The following FNDC1 variants were observed in gnomAD, a reference collection of about 807,000 sequenced individuals.
FNDC1 encodes the protein fibronectin type III domain containing 1.
In FNDC1, 96 loss-of-function variants were observed where a neutral mutation model predicts 168.0. The ratio of observed to expected loss-of-function variants is 0.57; its 90% CI spans 0.48 to 0.68. The LOEUF is 0.68. Among genes scored for constraint, FNDC1 ranks in the 30% least tolerant of loss-of-function variants. The pLI is 0.00. For missense variants in FNDC1, 2,587 were observed against 2,482.1 expected, an observed-to-expected ratio of 1.04 and a Z score of -0.90; for synonymous variants, 1,099 against 1,025.9, an observed-to-expected ratio of 1.07 and a Z score of -1.36.
intron 4 of FNDC1, among the ~76,000 whole-genome samples, chr6:159,214,200 C>T (rs181208969): frequency 1.3e-5 from 2 of 152,298 alleles, no homozygotes; most frequent in Admixed American, 1.3e-4. Flanking sequence ...ATCCATAACC[C>T]TTGTTTCCAA....
intron 1 of FNDC1, among the ~76,000 whole-genome samples, chr6:159,178,829 G>A (rs917719263): frequency 6.6e-6 from 1 of 151,414 alleles, no homozygotes; most frequent in Admixed American, 6.6e-5. Flanking sequence ...GGTCCAAGCC[G>A]TATTACCTGG....
chr6:159,190,644 C>A (rs941281259), intron 1 of FNDC1, among the ~76,000 whole-genome samples: 3 of 152,218 alleles, frequency 2.0e-5, no homozygotes, highest in African/African-American at 7.2e-5. Context: ...AGCCCACATT[C>A]TCCAGTTCAG....
intron 4 of FNDC1, among the ~76,000 whole-genome samples, chr6:159,213,629 C>T (rs983357565): frequency 2.0e-5 from 3 of 151,956 alleles, no homozygotes; most frequent in South Asian, 2.1e-4. Context: ...TTCCAGCTGA[C>T]TCACATAAGA....
chr6:159,247,082 C>T (rs535626797), intron 15 of FNDC1, 113 bp downstream of exon 15: 73 of 824,952 alleles, frequency 8.8e-5, no homozygotes, highest in African/African-American at 5.8e-4. Flanking sequence ...AGCTTTGGGC[C>T]GGTGGCAATG....
chr6:159,256,759 T>C (rs1315284258), intron 18 of FNDC1, 128 bp downstream of exon 18: 4 of 713,306 alleles, frequency 5.6e-6, no homozygotes, highest in Admixed American at 2.4e-5. Context: ...TTGGTTCTAA[T>C]AGAATGTCAA....
intron 22 of FNDC1, among the ~76,000 whole-genome samples, chr6:159,270,966 C>T (rs1777733260): frequency 6.6e-6 from 1 of 152,214 alleles, no homozygotes; most frequent in Non-Finnish European, 1.5e-5. Context: ...ACGATCTCTA[C>T]AGATCTGTTT....
At chr6:159,218,297 C>T (rs1325861757) in intron 5 of FNDC1, 1 of 152,150 alleles carries the variant, frequency 6.6e-6, no homozygotes, top group Non-Finnish European at 1.5e-5. Context: ...GGGGTGGGCT[C>T]CGGTCCCCAC....
At chr6:159,268,059 A>AAAAT (rs1450834643) in intron 22 of FNDC1, 133 bp downstream of exon 22, 2 of 896,164 alleles carry the variant, frequency 2.2e-6, no homozygotes, top group Admixed American at 2.8e-5. Flanking sequence ...TAAGGTCATA[A>AAAAT]AAATAAATAA....
chr6:159,180,426 G>A (rs542301376), intron 1 of FNDC1, among the ~76,000 whole-genome samples: 2 of 152,180 alleles, frequency 1.3e-5, no homozygotes, highest in African/African-American at 4.8e-5. Flanking sequence ...AACTCATAAC[G>A]TGTGGTGTGC....
chr6:159,200,117 G>T (rs1782344064), intron 3 of FNDC1, 35 bp downstream of exon 3: 2 of 1,459,352 alleles, frequency 1.4e-6, no homozygotes, highest in Non-Finnish European at 1.9e-6. Context: ...CTGTAGTGTT[G>T]TTACTTAGAT....
Position 159,214,902 on chromosome 6 carries a change from G to A in FNDC1, c.461-43G>A, listed in dbSNP as rs748960381. ...TCATGTGCATGATGGCAAACTCTAA[G>A]TGGTCTACTGTCTAACCACTTTTGT... On this transcript the variant is annotated intron_variant, in intron 4 of 22. Transcript: ENST00000297267. 4 of 1,584,964 alleles carry A rather than the reference G, an allele frequency of 2.5e-6. No homozygotes were observed. The South Asian group carries it at 3.3e-5, about 13-fold the overall frequency.
chr6:159,181,994 C>T (rs1049849512), intron 1 of FNDC1, among the ~76,000 whole-genome samples: 4 of 152,346 alleles, frequency 2.6e-5, no homozygotes, highest in South Asian at 4.1e-4. Context: ...CCTTCTACTG[C>T]TCTCTGATAG....
chr6:159,225,640 G>A lies in FNDC1; in HGVS notation c.990G>A (p.Val330=). 1 of 1,613,996 alleles carries A rather than the reference G, an allele frequency of 6.2e-7. No homozygotes were observed. The highest frequency in any genetic ancestry group is 1.7e-5 in the Admixed American group (1 of 60,026). ...TTGAGAACCTGATTCCAGACACTGT[G>A]TATGAATTTGCAGTCCGTATTTCAC... The part of the protein sequence containing the change: ...VLIENLIPDT[V]YEFAVRISQG... Residue 330 remains valine, a synonymous_variant, in exon 8 of 23, where the codon GTG becomes GTA. Coordinates refer to ENST00000297267, the MANE Select transcript of FNDC1 (RefSeq NM_032532.3).
chr6:159,269,341 C>CTATTTATCTATCTATCTATCCATT, intron 22 of FNDC1, among the ~76,000 whole-genome samples: 3 of 105,304 alleles, frequency 2.8e-5, no homozygotes, highest in Admixed American at 1.1e-4. Flanking sequence ...ATCTATCTAT[C>CTATTTATCTATCTATCTATCCATT]TATCCATTTG....
At chr6:159,264,941 GCA>G (rs767576129) in intron 19 of FNDC1, 32 bp from the exon 20 acceptor site, 1 of 1,572,876 alleles carries the variant, frequency 6.4e-7, no homozygotes, top group African/African-American at 1.3e-5. Context: ...GTGAAATATG[GCA>G]CAGAGTCCAT....
At chr6:159,231,550 T>C (rs1319362018) in intron 10 of FNDC1, among the ~76,000 whole-genome samples, 1 of 152,240 alleles carries the variant, frequency 6.6e-6, no homozygotes, top group African/African-American at 2.4e-5. Context: ...AAATCCTATA[T>C]AAGATTTTGC....
intron 1 of FNDC1, among the ~76,000 whole-genome samples, chr6:159,181,591 C>T (rs957523898): frequency 3.3e-5 from 5 of 152,140 alleles, no homozygotes; most frequent in South Asian, 2.1e-4. Flanking sequence ...AATAAACTTC[C>T]GCTTGCCAGA....
intron 3 of FNDC1, 67 bp downstream of exon 3, chr6:159,200,149 C>T: frequency 1.8e-6 from 2 of 1,139,878 alleles, no homozygotes; most frequent in Non-Finnish European, 2.6e-6. Context: ...TCCCTCCTTG[C>T]TTCTTCCAGT....
At chr6:159,185,709 C>T (rs115452253) in intron 1 of FNDC1, among the ~76,000 whole-genome samples, 369 of 152,330 alleles carry the variant, frequency 2.4e-3, no homozygotes, top group African/African-American at 8.4e-3. Context: ...ACAGCCAAAC[C>T]TAACCCCTTT....
Sources: gnomAD v4.1 joint callset for allele counts (sites outside exome capture counted in the v4.1 genomes callset) on GRCh38, gnomAD v4.1.1 for gene constraint, MANE v1.5 for transcripts, NCBI Gene and HGNC (gene_info 2026-07-23, HGNC 2026-07-21) for gene names.